CNTNAP2: variants seen among roughly 807,000 people sequenced by gnomAD.
CNTNAP2 encodes the protein contactin-associated protein-like 2.
CNTNAP2 carries 98 observed loss-of-function variants against 155.2 expected under a neutral mutation model. That is an observed-to-expected ratio of 0.63 (90% CI 0.54 to 0.75). The LOEUF is 0.75. Among genes scored for constraint, CNTNAP2 ranks in the 30% least tolerant of loss-of-function variants. CNTNAP2 has a pLI of 0.00. For missense variants in CNTNAP2, 1,727 were observed against 1,688.1 expected (o/e 1.02, Z -0.40); for synonymous variants, 651 against 631.2 (o/e 1.03, Z -0.47).
chr7:148,003,873 T>G (rs971938798), intron 15 of CNTNAP2, among the ~76,000 whole-genome samples: 1 of 152,206 alleles, frequency 6.6e-6, no homozygotes, highest in Admixed American at 6.5e-5. Flanking sequence ...GTATTCCCAA[T>G]GCCTAGGCCA....
At chr7:147,693,705 T>C (rs1796121684) in intron 13 of CNTNAP2, among the ~76,000 whole-genome samples, 2 of 152,038 alleles carry the variant, frequency 1.3e-5, no homozygotes, top group Admixed American at 1.3e-4. Flanking sequence ...TTACTACAAT[T>C]TCTTATTAAC....
intron 3 of CNTNAP2, among the ~76,000 whole-genome samples, chr7:146,931,212 A>G (rs1188832494): frequency 6.6e-6 from 1 of 152,132 alleles, no homozygotes; most frequent in African/African-American, 2.4e-5. Context: ...CAAATGTAAA[A>G]GAACAGAAAT....
chr7:147,531,584 T>C (rs1042423159), intron 11 of CNTNAP2, among the ~76,000 whole-genome samples: 8 of 152,132 alleles, frequency 5.3e-5, no homozygotes, highest in African/African-American at 1.9e-4. Flanking sequence ...GGACACCAAG[T>C]CCCTAGGCTG....
intron 15 of CNTNAP2, among the ~76,000 whole-genome samples, chr7:148,076,056 T>G (rs1239765331): frequency 6.6e-6 from 1 of 152,184 alleles, no homozygotes; most frequent in East Asian, 1.9e-4. Flanking sequence ...TGAATATAAA[T>G]GATAAATCAC....
At chr7:148,057,636 G>A (rs1019258877) in intron 15 of CNTNAP2, among the ~76,000 whole-genome samples, 1 of 152,156 alleles carries the variant, frequency 6.6e-6, no homozygotes. Context: ...GTGAATAATA[G>A]AGAAGAAAGA....
chr7:147,357,880 C>A (rs1315469878), intron 9 of CNTNAP2, among the ~76,000 whole-genome samples: 2 of 151,950 alleles, frequency 1.3e-5, no homozygotes, highest in African/African-American at 4.8e-5. Context: ...GATACTTAAC[C>A]AGTTGCCTGC....
At chr7:147,926,636 A>G (rs1800403542) in intron 14 of CNTNAP2, among the ~76,000 whole-genome samples, 1 of 152,376 alleles carries the variant, frequency 6.6e-6, no homozygotes, top group East Asian at 1.9e-4. Flanking sequence ...TACAGATTAC[A>G]GTTCATGAAG....
At chr7:146,312,741 C>T (rs1056628327) in intron 1 of CNTNAP2, among the ~76,000 whole-genome samples, 3 of 152,102 alleles carry the variant, frequency 2.0e-5, no homozygotes, top group Admixed American at 6.6e-5. Context: ...TTTCTGGTAT[C>T]CACATTTCTA....
chr7:147,480,617 G>A (rs1286993738), intron 10 of CNTNAP2, among the ~76,000 whole-genome samples: 1 of 152,228 alleles, frequency 6.6e-6, no homozygotes, highest in Non-Finnish European at 1.5e-5. Flanking sequence ...GAGTAGATCA[G>A]ATTAAAACAT....
chr7:147,084,799 T>G (rs1049964750), intron 4 of CNTNAP2, among the ~76,000 whole-genome samples: 1 of 147,650 alleles, frequency 6.8e-6, no homozygotes, highest in Non-Finnish European at 1.5e-5. Flanking sequence ...GTAATACATA[T>G]AATTTTATGT....
At chr7:148,369,821 C>T (rs1446558023) in intron 21 of CNTNAP2, among the ~76,000 whole-genome samples, 16 of 152,044 alleles carry the variant, frequency 1.1e-4, no homozygotes, top group Admixed American at 1.0e-3. Context: ...ATATGTCTTC[C>T]AACTTTCGAA....
chr7:147,484,842 G>C (rs1798483860), intron 10 of CNTNAP2, among the ~76,000 whole-genome samples: 1 of 152,212 alleles, frequency 6.6e-6, no homozygotes, highest in Admixed American at 6.5e-5. Context: ...CATGATTATA[G>C]ATTCTGCTAT....
chr7:146,677,690 AT>A (rs71165028), intron 1 of CNTNAP2, among the ~76,000 whole-genome samples: 3,616 of 148,760 alleles, frequency 0.024, 41 homozygotes, highest in Middle Eastern at 0.051. Context: ...ATAGTTGGTG[AT>A]TTTTTTTTTT....
chr7:147,111,185 G>T (rs1021256101), intron 5 of CNTNAP2, among the ~76,000 whole-genome samples: 3 of 152,182 alleles, frequency 2.0e-5, no homozygotes, highest in African/African-American at 7.2e-5. Flanking sequence ...TTTGAGAATT[G>T]TCTGTTCATG....
rs1175270376 is a variant in CNTNAP2 at position 147,552,334 on chromosome 7, T to C, written c.1778-9804T>C. On this transcript the variant is annotated intron_variant, in intron 11 of 23. Transcript: ENST00000361727. ...TTATTTAACAATTAAAAATCAGTCC[T>C]ATTGCCTCATTCATTGAATTCCATA... Among the ~76,000 whole-genome samples the C allele has an allele frequency of 5.3e-5, 8 of 152,206 alleles. No homozygotes were observed. The East Asian group carries it at 1.3e-3, about 26-fold the overall frequency.
At chr7:146,695,329 G>A (rs1465177927) in intron 1 of CNTNAP2, among the ~76,000 whole-genome samples, 5 of 152,100 alleles carry the variant, frequency 3.3e-5, no homozygotes, top group Non-Finnish European at 7.4e-5. Context: ...TGCCTTTTCA[G>A]CATTATAGAT....
In CNTNAP2 at chr7:146,716,330, G is replaced by A. The variant is rs564371882; in HGVS notation, c.98-57941G>A. ...CTTATACATACCATTTCCCCTCCTG[G>A]GGCTAAAAGAAGATCAGAGAGGATC... On this transcript the variant is annotated intron_variant, in intron 1 of 23. Coordinates refer to ENST00000361727, the MANE Select transcript of CNTNAP2 (RefSeq NM_014141.6). 7.7e-4 allele frequency among the ~76,000 whole-genome samples: 117 copies of A among 151,884 alleles called. 1 individual carries two copies. In the South Asian group the frequency reaches 0.023, roughly 30 times the overall value.
chr7:146,485,902 A>T (rs983765655), intron 1 of CNTNAP2, among the ~76,000 whole-genome samples: 2 of 152,184 alleles, frequency 1.3e-5, no homozygotes, highest in Non-Finnish European at 2.9e-5. Context: ...CTGTCTATAC[A>T]ATTTAATCTG....
At chr7:148,281,677 G>C (rs372454675) in intron 21 of CNTNAP2, among the ~76,000 whole-genome samples, 27 of 152,204 alleles carry the variant, frequency 1.8e-4, no homozygotes, top group African/African-American at 5.8e-4. Flanking sequence ...TTCATTCTTA[G>C]ACATTTATTG....
Sources: gnomAD v4.1 joint callset for allele counts (sites outside exome capture counted in the v4.1 genomes callset) on GRCh38, gnomAD v4.1.1 for gene constraint, MANE v1.5 for transcripts, NCBI Gene and HGNC (gene_info 2026-07-23, HGNC 2026-07-21) for gene names.